Variants in RORA observed in about 807,000 individuals in gnomAD.
The protein encoded by RORA is RAR related orphan receptor A.
Under a neutral mutation model 69.5 loss-of-function variants are expected in RORA, and 7 were observed. The observed-to-expected ratio is 0.10, with a 90% CI of 0.06 to 0.19. RORA has a LOEUF of 0.19. Ranked by LOEUF, RORA falls within the 10% of genes least tolerant of loss-of-function variation. RORA has a pLI of 1.00. For missense variants in RORA, 457 were observed against 663.0 expected (o/e 0.69, Z 3.41); for synonymous variants, 261 against 240.8 (o/e 1.08, Z -0.78).
At chr15:60,609,497 T>C (rs1348915380) in intron 2 of RORA, among the ~76,000 whole-genome samples, 1 of 152,160 alleles carries the variant, frequency 6.6e-6, no homozygotes, top group African/African-American at 2.4e-5. Flanking sequence ...GTTCTGATCA[T>C]TTGTCACACT....
chr15:60,501,105 G>T, intron 8 of RORA, 36 bp from the exon 9 acceptor site: 1 of 1,276,638 alleles, frequency 7.8e-7, no homozygotes, highest in Non-Finnish European at 1.1e-6. Context: ...TTAGAATTTT[G>T]ATTATTGTCT....
chr15:61,162,077 C>A (rs940582719), intron 1 of RORA, among the ~76,000 whole-genome samples: 19 of 152,242 alleles, frequency 1.2e-4, no homozygotes, highest in African/African-American at 4.3e-4. Flanking sequence ...TTATTGTTTT[C>A]TATTCCAAAA....
chr15:60,895,736 A>G (rs1891215991), intron 1 of RORA, among the ~76,000 whole-genome samples: 1 of 152,234 alleles, frequency 6.6e-6, no homozygotes, highest in Non-Finnish European at 1.5e-5. Context: ...TGCCCATACA[A>G]CGCACATGGT....
At chr15:60,625,860 T>C (rs952004577) in intron 2 of RORA, among the ~76,000 whole-genome samples, 1 of 152,260 alleles carries the variant, frequency 6.6e-6, no homozygotes, top group Non-Finnish European at 1.5e-5. Context: ...TCGTACCTTT[T>C]GAATATTGTA....
chr15:60,633,420 G>A (rs192949212), intron 2 of RORA, among the ~76,000 whole-genome samples: 8 of 152,296 alleles, frequency 5.3e-5, no homozygotes, highest in East Asian at 1.9e-4. Flanking sequence ...TATAGAAAAC[G>A]TTTTTCCAAA....
chr15:60,791,529 C>T (rs2072417497), intron 1 of RORA, among the ~76,000 whole-genome samples: 1 of 152,206 alleles, frequency 6.6e-6, no homozygotes, highest in Non-Finnish European at 1.5e-5. Context: ...TAGCTTTCAG[C>T]TCTGGATAGC....
At chr15:60,671,311 A>G (rs77779024) in intron 2 of RORA, among the ~76,000 whole-genome samples, 1,987 of 152,148 alleles carry the variant, frequency 0.013, 56 homozygotes, top group African/African-American at 0.045. Flanking sequence ...TTTGTGCTGT[A>G]CGAAATATAT....
intron 1 of RORA, among the ~76,000 whole-genome samples, chr15:60,776,368 A>G (rs1262715780): frequency 6.6e-6 from 1 of 152,126 alleles, no homozygotes; most frequent in African/African-American, 2.4e-5. Context: ...TCAGGAGAGG[A>G]GGGAAATAAA....
At chr15:60,725,543 C>T (rs553533128) in intron 1 of RORA, among the ~76,000 whole-genome samples, 1 of 152,312 alleles carries the variant, frequency 6.6e-6, no homozygotes, top group Non-Finnish European at 1.5e-5. Flanking sequence ...TGTCCACCCC[C>T]TCAAGCACGT....
At chr15:60,943,089 G>C (rs900296173) in intron 1 of RORA, among the ~76,000 whole-genome samples, 2 of 152,192 alleles carry the variant, frequency 1.3e-5, no homozygotes, top group African/African-American at 4.8e-5. Flanking sequence ...ATCCATCTTT[G>C]CTGGCATCAT....
intron 2 of RORA, among the ~76,000 whole-genome samples, chr15:60,673,372 G>A (rs1356780804): frequency 6.6e-6 from 1 of 152,192 alleles, no homozygotes; most frequent in East Asian, 1.9e-4. Context: ...TTAAGCTTAG[G>A]AGGGCTTGGC....
intron 1 of RORA, among the ~76,000 whole-genome samples, chr15:61,013,630 C>T (rs1385844749): frequency 6.6e-6 from 1 of 152,018 alleles, no homozygotes; most frequent in East Asian, 1.9e-4. Context: ...CTCTTGTTGC[C>T]TTTGTTGTTG....
At chr15:60,686,736 T>G (rs576759939) in intron 1 of RORA, 1 of 152,312 alleles carries the variant, frequency 6.6e-6, no homozygotes, top group East Asian at 1.9e-4. Flanking sequence ...GGTACGGAAG[T>G]GAACTGTCTG....
At chr15:60,756,642 A>G (rs1040443557) in intron 1 of RORA, among the ~76,000 whole-genome samples, 4 of 152,234 alleles carry the variant, frequency 2.6e-5, no homozygotes, top group African/African-American at 7.2e-5. Flanking sequence ...AATAGCAGCC[A>G]GAAATCCTCT....
At chr15:61,034,639 T>C (rs1257502790) in intron 1 of RORA, among the ~76,000 whole-genome samples, 2 of 152,150 alleles carry the variant, frequency 1.3e-5, no homozygotes, top group Non-Finnish European at 2.9e-5. Flanking sequence ...TTGAGATTTA[T>C]ATCCAAAAGA....
At chr15:61,101,168 G>A (rs1050515844) in intron 1 of RORA, among the ~76,000 whole-genome samples, 1 of 152,136 alleles carries the variant, frequency 6.6e-6, no homozygotes, top group African/African-American at 2.4e-5. Flanking sequence ...CACTGTTCTA[G>A]TCAACCAACA....
In RORA at chr15:60,614,968, C is replaced by T. The variant is rs1193158327; in HGVS notation, c.196+63689G>A. 4 of 1,613,878 alleles carry T rather than the reference C, an allele frequency of 2.5e-6. No homozygotes were observed. The South Asian group carries it at 3.3e-5, about 13-fold the overall frequency. ...AAAGTTCTTGGCTGTGGCTCCATCCCAGTTTATGTGCTCAAGTTGAGACCA... is the reference window on the plus strand; with the variant it reads ...AAAGTTCTTGGCTGTGGCTCCATCCTAGTTTATGTGCTCAAGTTGAGACCA... On this transcript the variant is annotated intron_variant, in intron 2 of 10. Transcript: ENST00000335670.
chr15:60,725,568 A>G lies in RORA; in HGVS notation c.167-46882T>C, dbSNP rs545614513. Among the ~76,000 whole-genome samples, 4 of 152,358 alleles carry G rather than the reference A, an allele frequency of 2.6e-5. No homozygotes were observed. In the East Asian group the frequency reaches 7.7e-4, roughly 29 times the overall value. On this transcript the variant is annotated intron_variant, in intron 1 of 10. Coordinates refer to ENST00000335670, the MANE Select transcript of RORA (RefSeq NM_134261.3). Reference sequence around the variant, plus strand: ...CTCAAGCACGTATCCTTTGTGTTACAAACAATCCAATTATAATCTTAGTTC... The same window carrying G: ...CTCAAGCACGTATCCTTTGTGTTACGAACAATCCAATTATAATCTTAGTTC...
rs149930133 is a variant in RORA at position 61,009,143 on chromosome 15, A to T, written c.166+219910T>A. The stretch of plus-strand genomic sequence containing the variant: ...GTGATTCATCACTTTGAGTATTAAC[A>T]GCTCTTCAATGCCATCGCTGTTAGA... On this transcript the variant is annotated intron_variant, in intron 1 of 10. Transcript: ENST00000335670. Among the ~76,000 whole-genome samples the T allele has an allele frequency of 5.3e-3, 809 of 152,338 alleles. 8 individuals are homozygous for T. The highest frequency in any genetic ancestry group is 0.018 in the African/African-American group (764 of 41,574).
Sources: allele counts gnomAD v4.1 joint callset (sites outside exome capture counted in the v4.1 genomes callset), GRCh38; gene constraint gnomAD v4.1.1; transcripts MANE v1.5; gene names NCBI Gene and HGNC (gene_info 2026-07-23, HGNC 2026-07-21).